The following PRRX2 variants were observed in gnomAD, a reference collection of about 807,000 sequenced individuals.
The protein encoded by PRRX2 is paired mesoderm homeobox protein 2.
A neutral mutation model predicts 18.0 loss-of-function variants in PRRX2; 11 were observed. The observed-to-expected ratio is 0.61, with a 90% CI of 0.39 to 1.01. PRRX2 has a LOEUF of 1.01. Among genes scored for constraint, PRRX2 ranks in the 50% least tolerant of loss-of-function variants. PRRX2 has a pLI of 0.01. For missense variants in PRRX2, 387 were observed against 351.0 expected, an observed-to-expected ratio of 1.10 and a Z score of -0.82; for synonymous variants, 177 against 154.8, an observed-to-expected ratio of 1.14 and a Z score of -1.06.
intron 1 of PRRX2, chr9:129,718,460 G>C (rs12004168): frequency 0.23 from 34,485 of 152,334 alleles, 6,202 homozygotes; most frequent in African/African-American, 0.49. Context: ...CCCTCTGGTT[G>C]GTCTCTCCCC....
intron 1 of PRRX2, among the ~76,000 whole-genome samples, chr9:129,707,854 T>C (rs1234671240): frequency 2.6e-5 from 4 of 151,954 alleles, no homozygotes; most frequent in African/African-American, 7.3e-5. Flanking sequence ...TGTGGACACA[T>C]GTTTCATTTC....
chr9:129,720,584 TC>T lies in PRRX2; in HGVS notation c.448-9del. 2 of 1,594,950 alleles carry T rather than the reference TC, an allele frequency of 1.3e-6. No individual in the cohort carries two copies. Among genetic ancestry groups the T allele is most frequent in the Non-Finnish European group, 1.7e-6 (2 of 1,169,646 alleles). On this transcript the variant is annotated splice_polypyrimidine_tract_variant and intron_variant, in intron 2 of 3. Coordinates refer to ENST00000372469, the MANE Select transcript of PRRX2 (RefSeq NM_016307.4). ...TGCCCATGCTGCACCCTGCTCACCC[TC>T]CCACCCACAGGTCTGGTTTCAGAAC...
At chr9:129,720,460 A>G (rs1393054639) in intron 2 of PRRX2, 136 bp from the exon 3 acceptor site, 2 of 736,808 alleles carry the variant, frequency 2.7e-6, no homozygotes, top group Non-Finnish European at 4.2e-6. Context: ...TCCCCATTCT[A>G]CAGATGAAAA....
At chr9:129,687,121 G>A (rs1194745532) in intron 1 of PRRX2, among the ~76,000 whole-genome samples, 1 of 152,090 alleles carries the variant, frequency 6.6e-6, no homozygotes, top group Non-Finnish European at 1.5e-5. Context: ...GCTGCAGGCC[G>A]GGCATGGTGT....
rs1564145016 is a variant in PRRX2 at position 129,675,578 on chromosome 9, G to A, written c.259+9452G>A. Among the ~76,000 whole-genome samples, 2 of 151,940 alleles carry A rather than the reference G, an allele frequency of 1.3e-5. No homozygotes were observed. The highest frequency in any genetic ancestry group is 4.8e-5 in the African/African-American group (2 of 41,384). On this transcript the variant is annotated intron_variant, in intron 1 of 3. Coordinates refer to ENST00000372469, the MANE Select transcript of PRRX2 (RefSeq NM_016307.4). The surrounding 1 kb of genome is among the most constrained non-coding windows in gnomAD (Gnocchi z 4.4). ...TGGGGATCCACTGCCCCCAGGGGGC[G>A]GCTGCCTTGCCCCAGACTTTGTCCT...
At chr9:129,718,951 C>T (rs1244191779) in intron 1 of PRRX2, among the ~76,000 whole-genome samples, 8 of 152,112 alleles carry the variant, frequency 5.3e-5, no homozygotes, top group Non-Finnish European at 1.2e-4. Flanking sequence ...TCAGTTGGCT[C>T]AGACTGGGGT....
chr9:129,689,643 C>T (rs548667238), intron 1 of PRRX2, among the ~76,000 whole-genome samples: 6 of 151,034 alleles, frequency 4.0e-5, no homozygotes, highest in South Asian at 2.1e-4. Context: ...CCTGGCTGCA[C>T]GGTAGCATGA....
intron 3 of PRRX2, among the ~76,000 whole-genome samples, chr9:129,721,497 G>A (rs1832791696): frequency 6.6e-6 from 1 of 152,020 alleles, no homozygotes; most frequent in South Asian, 2.1e-4. Context: ...TCCGCTTGAG[G>A]GTTCTTAGTC....
chr9:129,722,117 C>A, intron 3 of PRRX2, 100 bp from the exon 4 acceptor site: 1 of 1,499,610 alleles, frequency 6.7e-7, no homozygotes, highest in Non-Finnish European at 9.0e-7. Context: ...CCCAGGAGAG[C>A]AAGCTAAGGA....
At chr9:129,699,433 ATAT>A (rs1564151292) in intron 1 of PRRX2, among the ~76,000 whole-genome samples, 14 of 143,014 alleles carry the variant, frequency 9.8e-5, no homozygotes, top group African/African-American at 3.9e-4. Context: ...CAAAAAAAAT[ATAT>A]ATATGTGTGT....
chr9:129,679,625 A>AT (rs1256820817), intron 1 of PRRX2, among the ~76,000 whole-genome samples: 1 of 152,118 alleles, frequency 6.6e-6, no homozygotes, highest in East Asian at 1.9e-4. Flanking sequence ...GAGTCCCTGG[A>AT]TTGGGCTGAC....
chr9:129,679,080 A>G (rs1415373555), intron 1 of PRRX2, among the ~76,000 whole-genome samples: 1 of 152,192 alleles, frequency 6.6e-6, no homozygotes, highest in Non-Finnish European at 1.5e-5. Flanking sequence ...GCAGGACGGC[A>G]GCACCAATCA....
At chr9:129,708,705 T>C (rs565956278) in intron 1 of PRRX2, among the ~76,000 whole-genome samples, 2 of 152,366 alleles carry the variant, frequency 1.3e-5, no homozygotes, top group South Asian at 4.1e-4. Context: ...GTTGCTTGTG[T>C]TTTTGATGTC....
At chr9:129,697,681 G>A (rs945540100) in intron 1 of PRRX2, among the ~76,000 whole-genome samples, 7 of 152,034 alleles carry the variant, frequency 4.6e-5, no homozygotes, top group Non-Finnish European at 1.5e-5. Flanking sequence ...TCCCCGTCCA[G>A]ATGGGAAAGC....
chr9:129,680,238 CT>C (rs1832209186), intron 1 of PRRX2, among the ~76,000 whole-genome samples: 1 of 151,716 alleles, frequency 6.6e-6, no homozygotes, highest in Non-Finnish European at 1.5e-5. Context: ...CCCATCTCTA[CT>C]AAAAATACGA....
chr9:129,722,435 C>T lies in PRRX2; in HGVS notation c.*83C>T, dbSNP rs947709690. On this transcript the variant is annotated 3_prime_UTR_variant, in exon 4 of 4. Transcript: ENST00000372469. ...GCAGACGCCCAGGAAGTGACCTTCT[C>T]CTGGATGAGCTCTCCTGGCCCGTCT... is the stretch of plus-strand genomic sequence containing the variant. The T allele has an allele frequency of 3.3e-6, 5 of 1,513,194 alleles. No homozygotes were observed. Among genetic ancestry groups the T allele is most frequent in the Middle Eastern group, 1.7e-4 (1 of 5,734 alleles). 93.7% of individuals were successfully genotyped at this position (1,513,194 alleles called of 1,614,324 possible).
intron 1 of PRRX2, among the ~76,000 whole-genome samples, chr9:129,677,820 G>A (rs1238558926): frequency 6.6e-6 from 1 of 152,146 alleles, no homozygotes; most frequent in Non-Finnish European, 1.5e-5. Flanking sequence ...AAGTAAAAAC[G>A]GACTACTCTG....
chr9:129,708,419 CTGA>C (rs1832582315), intron 1 of PRRX2, among the ~76,000 whole-genome samples: 1 of 152,184 alleles, frequency 6.6e-6, no homozygotes, highest in Non-Finnish European at 1.5e-5. Flanking sequence ...TCCCTGCTGG[CTGA>C]TGATTTTGAG....
intron 1 of PRRX2, among the ~76,000 whole-genome samples, chr9:129,712,127 T>A (rs577987991): frequency 1.3e-5 from 2 of 152,350 alleles, no homozygotes; most frequent in South Asian, 4.1e-4. Flanking sequence ...CAGTGTTAAT[T>A]TGTTAAATCC....
Sources: allele counts gnomAD v4.1 joint callset (sites outside exome capture counted in the v4.1 genomes callset), GRCh38; gene constraint gnomAD v4.1.1; non-coding constraint Gnocchi (gnomAD v3.1); transcripts MANE v1.5; gene names NCBI Gene and HGNC (gene_info 2026-07-23, HGNC 2026-07-21).